Variants in EFCAB7 observed in about 807,000 individuals in gnomAD.
The protein encoded by EFCAB7 is EF-hand calcium binding domain 7.
In EFCAB7, 66 loss-of-function variants were observed where a neutral mutation model predicts 77.1. That is an observed-to-expected ratio of 0.86 (90% confidence interval 0.70 to 1.05). The LOEUF (loss-of-function observed/expected upper bound fraction) is 1.05. Among genes scored for constraint, EFCAB7 ranks in the 50% least tolerant of loss-of-function variants. The pLI is 0.00. For synonymous variants in EFCAB7, 225 were observed against 243.3 expected (o/e 0.92, Z 0.70); for missense variants, 638 against 730.5 (o/e 0.87, Z 1.46).
At chr1:63,532,168 C>G in intron 3 of EFCAB7, 137 bp downstream of exon 3, 1 of 677,234 alleles carries the variant, frequency 1.5e-6, no homozygotes, top group South Asian at 1.8e-5. Context: ...TTATTTATAA[C>G]GTACTTAGGA....
chr1:63,575,571 T>C (rs1024540063), downstream of EFCAB7, among the ~76,000 whole-genome samples: 2 of 152,166 alleles, frequency 1.3e-5, no homozygotes, highest in African/African-American at 2.4e-5. Context: ...TATGGCTATA[T>C]GCATATTCAG....
At chr1:63,552,739 A>G (rs911204794) in intron 8 of EFCAB7, among the ~76,000 whole-genome samples, 2 of 152,212 alleles carry the variant, frequency 1.3e-5, no homozygotes. Flanking sequence ...CTACAGTATC[A>G]TATTTAATCT....
chr1:63,568,608 T>C, intron 12 of EFCAB7, 89 bp downstream of exon 12: 2 of 979,218 alleles, frequency 2.0e-6, no homozygotes, highest in Non-Finnish European at 3.0e-6. Flanking sequence ...TATGTGGTAA[T>C]TAAGTATCCC....
intron 3 of EFCAB7, 69 bp from the exon 4 acceptor site, chr1:63,532,601 C>T (rs953312289): frequency 8.3e-7 from 1 of 1,197,832 alleles, no homozygotes. Context: ...AAATGTGCTT[C>T]CACTGTCCCC....
At chr1:63,536,898 CTTTAAA>C (rs1646769922) in intron 6 of EFCAB7, 1 of 152,126 alleles carries the variant, frequency 6.6e-6, no homozygotes, top group Middle Eastern at 3.4e-3. Flanking sequence ...TTTCCAGATA[CTTTAAA>C]TTTATTTTAA....
At chr1:63,530,032 A>C (rs1254708286) in intron 2 of EFCAB7, 1 of 152,208 alleles carries the variant, frequency 6.6e-6, no homozygotes, top group Non-Finnish European at 1.5e-5. Flanking sequence ...GGTGTGAGCC[A>C]CCACGCCAGT....
chr1:63,542,412 C>T (rs1364210764), intron 6 of EFCAB7, among the ~76,000 whole-genome samples: 1 of 152,180 alleles, frequency 6.6e-6, no homozygotes, highest in Non-Finnish European at 1.5e-5. Context: ...ATGCTATGAA[C>T]ATTGGCATAC....
chr1:63,553,911 T>C (rs578072992), intron 8 of EFCAB7, among the ~76,000 whole-genome samples: 1 of 152,294 alleles, frequency 6.6e-6, no homozygotes, highest in Admixed American at 6.5e-5. Context: ...TGCAATTCCC[T>C]GTAACCTTGA....
Position 63,534,215 on chromosome 1 carries a change from A to C in EFCAB7, c.803A>C (p.Lys268Thr), listed in dbSNP as rs1040572600. Reference protein sequence around the residue: ...NSKLMEPNLIKDWQHMQSKGC... With the variant: ...NSKLMEPNLITDWQHMQSKGC... ...AAGTTAATGGAGCCAAATTTAATAA[A>C]GGTATAGTATTTTAAGTTAACAGAT... The change falls in exon 6 of 14, where the codon AAG becomes ACG. Residue 268 changes from lysine to threonine, a missense_variant and splice_region_variant. Lys to Thr is a moderately conservative substitution (Grantham distance 78). Transcript: ENST00000371088. The C allele has an allele frequency of 1.2e-6, 2 of 1,611,378 alleles. No homozygotes were observed. Among genetic ancestry groups the C allele is most frequent in the Non-Finnish European group, 1.7e-6 (2 of 1,178,658 alleles).
intron 6 of EFCAB7, 69 bp from the exon 7 acceptor site, chr1:63,545,847 T>C: frequency 7.6e-7 from 1 of 1,309,776 alleles, no homozygotes; most frequent in Non-Finnish European, 1.1e-6. Context: ...CTGTGTTTTC[T>C]CCTCATTACT....
chr1:63,540,363 C>CAAAAA (rs758025864), intron 6 of EFCAB7, among the ~76,000 whole-genome samples: 3 of 44,340 alleles, frequency 6.8e-5, no homozygotes, highest in Admixed American at 2.1e-4. Context: ...GACTCCATCT[C>CAAAAA]AAAAAAAAAA....
intron 7 of EFCAB7, chr1:63,547,192 C>A (rs537838758): frequency 1.3e-5 from 2 of 152,112 alleles, no homozygotes; most frequent in Non-Finnish European, 2.9e-5. Flanking sequence ...GATAGCCCTG[C>A]AAATTCAGTG....
intron 11 of EFCAB7, among the ~76,000 whole-genome samples, chr1:63,564,540 A>G (rs1647147617): frequency 6.6e-6 from 1 of 152,206 alleles, no homozygotes; most frequent in South Asian, 2.1e-4. Context: ...ACTACAAACT[A>G]CTGCTCAAAG....
Position 63,560,231 on chromosome 1 carries a change from C to T in EFCAB7, c.1349-1478C>T, listed in dbSNP as rs534042562. Among the ~76,000 whole-genome samples the T allele has an allele frequency of 1.1e-4, 17 of 152,122 alleles. No homozygotes were observed. The East Asian group carries it at 3.1e-3, about 28-fold the overall frequency. On this transcript the variant is annotated intron_variant, in intron 10 of 13. Transcript: ENST00000371088. Reference sequence around the variant, plus strand: ...CCTCCCAAAGTGCTGGGATTACAGGCGTGAGCCACTGCGCCTGGCCCAAGT... The same window carrying T: ...CCTCCCAAAGTGCTGGGATTACAGGTGTGAGCCACTGCGCCTGGCCCAAGT...
At position 63,551,716 on chromosome 1, in the gene EFCAB7, TG is replaced by T. The variant is rs1433221096; in HGVS notation, c.947-8del. On this transcript the variant is annotated splice_region_variant and splice_polypyrimidine_tract_variant and intron_variant, in intron 7 of 13. Coordinates refer to ENST00000371088, the MANE Select transcript of EFCAB7 (RefSeq NM_032437.4). Reference sequence around the variant, plus strand: ...TTTAAGGTGTTTGGGCTTTTTTTTTTGTTTGTAGGAAAACCATCCCCTTGGT... The same window carrying T: ...TTTAAGGTGTTTGGGCTTTTTTTTTTTTTGTAGGAAAACCATCCCCTTGGT... 3 of 1,464,600 alleles carry T rather than the reference TG, an allele frequency of 2.0e-6. No homozygotes were observed. Among genetic ancestry groups the T allele is most frequent in the East Asian group, 2.4e-5 (1 of 42,044 alleles). The allele number at this position is 1,464,600 out of a possible 1,614,324, so 90.7% of individuals were successfully genotyped here. A position where few individuals can be genotyped will look rare whatever the true frequency, so the allele number is the denominator to read the frequency against.
At chr1:63,564,534 C>T (rs1647147465) in intron 11 of EFCAB7, among the ~76,000 whole-genome samples, 1 of 152,108 alleles carries the variant, frequency 6.6e-6, no homozygotes, top group Non-Finnish European at 1.5e-5. Flanking sequence ...AGGAGAACTA[C>T]AAACTACTGC....
Position 63,546,016 on chromosome 1 carries a change from T to TTTA in EFCAB7, c.907_909dup (p.Tyr303dup). 1 of 1,613,592 alleles carries TTTA rather than the reference T, an allele frequency of 6.2e-7. No homozygotes were observed. Among genetic ancestry groups the TTTA allele is most frequent in the Non-Finnish European group, 8.5e-7 (1 of 1,179,754 alleles). On this transcript the variant is annotated inframe_insertion, in exon 7 of 14. Coordinates refer to ENST00000371088, the MANE Select transcript of EFCAB7 (RefSeq NM_032437.4). ...ATGCAAATAGCTCAGAGGTCCATGG[T>TTTA]TTATCTAACAATTAAGCCATTAAAC...
At chr1:63,536,145 G>A (rs928461759) in intron 6 of EFCAB7, among the ~76,000 whole-genome samples, 2 of 152,238 alleles carry the variant, frequency 1.3e-5, no homozygotes, top group Admixed American at 1.3e-4. Flanking sequence ...TAAAAGAAAA[G>A]GGCATACTGT....
intron 10 of EFCAB7, among the ~76,000 whole-genome samples, chr1:63,560,841 TAATC>T (rs893487914): frequency 2.7e-4 from 41 of 152,280 alleles, no homozygotes; most frequent in African/African-American, 9.6e-4. Flanking sequence ...TTTAAGCTAT[TAATC>T]AGTCAACCGG....
Sources: gnomAD v4.1 joint callset for allele counts (sites outside exome capture counted in the v4.1 genomes callset) on GRCh38, gnomAD v4.1.1 for gene constraint, MANE v1.5 for transcripts, NCBI Gene and HGNC (gene_info 2026-07-23, HGNC 2026-07-21) for gene names.